MIPOL1: variants seen among roughly 807,000 people sequenced by gnomAD.
MIPOL1 encodes mirror-image polydactyly gene 1 protein.
Under a neutral mutation model 60.9 loss-of-function variants are expected in MIPOL1, and 57 were observed. The ratio of observed to expected loss-of-function variants is 0.94; its 90% CI spans 0.76 to 1.17. The LOEUF (loss-of-function observed/expected upper bound fraction) is 1.17. Among genes scored for constraint, MIPOL1 ranks in the 50% most tolerant of loss-of-function variants. The pLI, the probability that MIPOL1 is intolerant of heterozygous loss-of-function variation, is 0.00. For missense variants in MIPOL1, 551 were observed against 511.6 expected (o/e 1.08, Z -0.74); for synonymous variants, 179 against 168.8 (o/e 1.06, Z -0.47).
At chr14:37,381,200 A>G (rs964453865) in intron 10 of MIPOL1, among the ~76,000 whole-genome samples, 14 of 152,144 alleles carry the variant, frequency 9.2e-5, no homozygotes, top group Admixed American at 7.2e-4. Flanking sequence ...ATCTCTGCCC[A>G]CATCAATAGT....
chr14:37,269,055 T>A (rs947621318), intron 5 of MIPOL1, among the ~76,000 whole-genome samples: 6 of 151,238 alleles, frequency 4.0e-5, no homozygotes, highest in African/African-American at 1.5e-4. Flanking sequence ...TACATATCTT[T>A]AAAAAAAAAG....
At chr14:37,325,560 T>A (rs1436134430) in intron 9 of MIPOL1, among the ~76,000 whole-genome samples, 1 of 151,770 alleles carries the variant, frequency 6.6e-6, no homozygotes, top group Non-Finnish European at 1.5e-5. Context: ...TACCTCCTCT[T>A]CCTTTCTTTC....
chr14:37,346,750 G>A (rs776363056), intron 9 of MIPOL1, among the ~76,000 whole-genome samples: 2 of 152,094 alleles, frequency 1.3e-5, no homozygotes, highest in South Asian at 2.1e-4. Flanking sequence ...ATGGCCATGC[G>A]AGGTGAGAAC....
chr14:37,430,240 T>C (rs1029689988), intron 11 of MIPOL1, among the ~76,000 whole-genome samples: 27 of 152,176 alleles, frequency 1.8e-4, no homozygotes, highest in Non-Finnish European at 3.5e-4. Context: ...GTTTCAACTT[T>C]GCTTGATTTC....
intron 9 of MIPOL1, among the ~76,000 whole-genome samples, chr14:37,332,173 A>G (rs1198914850): frequency 2.0e-5 from 3 of 150,596 alleles, no homozygotes; most frequent in Non-Finnish European, 4.4e-5. Context: ...TTCCTATTCT[A>G]TATGATTCTA....
At chr14:37,321,792 TAGAATAGACTTTTATCATTATGAA>T (rs1273932248) in intron 9 of MIPOL1, among the ~76,000 whole-genome samples, 1 of 152,020 alleles carries the variant, frequency 6.6e-6, no homozygotes, top group African/African-American at 2.4e-5. Flanking sequence ...TATCTTCCTA[TAGAATAGACTTTTATCATTATGAA>T]ATGCCCACTT....
At chr14:37,220,806 C>T (rs1190064973) in intron 1 of MIPOL1, among the ~76,000 whole-genome samples, 1 of 152,090 alleles carries the variant, frequency 6.6e-6, no homozygotes, top group Non-Finnish European at 1.5e-5. Flanking sequence ...TAGAGAGTCT[C>T]CCTCTGTCCC....
Position 37,512,696 on chromosome 14 carries a change from G to C in MIPOL1, c.1262+12558G>C, listed in dbSNP as rs544381181. ...GTGATATTTTTCCTATAAATTTTTT[G>C]TTGGACTGTAAGTGTCAAGGCAAAA... On this transcript the variant is annotated intron_variant, in intron 12 of 12. Coordinates refer to ENST00000684589, the MANE Select transcript of MIPOL1 (RefSeq NM_001388067.1). Among the ~76,000 whole-genome samples, 5 of 151,550 alleles carry C rather than the reference G, an allele frequency of 3.3e-5. No individual in the cohort carries two copies. The East Asian group carries it at 9.7e-4, about 29-fold the overall frequency.
intron 9 of MIPOL1, 51 bp from the exon 10 acceptor site, chr14:37,369,465 GA>G (rs903757943): frequency 1.9e-4 from 262 of 1,350,920 alleles, no homozygotes; most frequent in African/African-American, 6.6e-4. Context: ...GTGGCTTGGT[GA>G]AAAAAAATGC....
intron 7 of MIPOL1, among the ~76,000 whole-genome samples, chr14:37,299,045 A>C (rs1448729813): frequency 6.6e-6 from 1 of 152,042 alleles, no homozygotes; most frequent in Non-Finnish European, 1.5e-5. Context: ...CTTGGAACCA[A>C]CCCAAATGTC....
At chr14:37,442,755 A>G (rs564292070) in intron 11 of MIPOL1, among the ~76,000 whole-genome samples, 1 of 152,140 alleles carries the variant, frequency 6.6e-6, no homozygotes, top group South Asian at 2.1e-4. Flanking sequence ...AGAATAAAAT[A>G]CTTTGGGATA....
chr14:37,242,437 G>A (rs1164053069), intron 1 of MIPOL1, among the ~76,000 whole-genome samples: 1 of 151,964 alleles, frequency 6.6e-6, no homozygotes, highest in Non-Finnish European at 1.5e-5. Context: ...ATTTGTATAG[G>A]AAATCTATTT....
chr14:37,468,089 A>G (rs895236176), intron 11 of MIPOL1, among the ~76,000 whole-genome samples: 7 of 150,746 alleles, frequency 4.6e-5, no homozygotes, highest in African/African-American at 1.7e-4. Context: ...AGAGATTTTG[A>G]TCGGCTTTGT....
chr14:37,377,184 C>A (rs1343409353), intron 10 of MIPOL1, among the ~76,000 whole-genome samples: 2 of 152,132 alleles, frequency 1.3e-5, no homozygotes, highest in Non-Finnish European at 2.9e-5. Flanking sequence ...GTCATACTCT[C>A]CTTTGCATGA....
intron 11 of MIPOL1, among the ~76,000 whole-genome samples, chr14:37,473,682 C>A (rs1297480974): frequency 6.6e-6 from 1 of 152,098 alleles, no homozygotes; most frequent in African/African-American, 2.4e-5. Context: ...TTATTAATGT[C>A]TTGTATTGAT....
intron 7 of MIPOL1, among the ~76,000 whole-genome samples, chr14:37,304,265 A>G (rs2086592502): frequency 6.6e-6 from 1 of 151,642 alleles, no homozygotes; most frequent in African/African-American, 2.4e-5. Context: ...TCTCTGTTAC[A>G]GTGTCTGCTT....
chr14:37,346,029 C>T (rs1212019730), intron 9 of MIPOL1, among the ~76,000 whole-genome samples: 1 of 152,098 alleles, frequency 6.6e-6, no homozygotes, highest in Non-Finnish European at 1.5e-5. Context: ...TAGGGGAGAT[C>T]ATTAAAATAC....
intron 10 of MIPOL1, among the ~76,000 whole-genome samples, chr14:37,407,999 A>G (rs2093621335): frequency 6.6e-6 from 1 of 150,434 alleles, no homozygotes; most frequent in Admixed American, 6.6e-5. Flanking sequence ...ACAGGTGTGC[A>G]CCACCACGCC....
intron 11 of MIPOL1, among the ~76,000 whole-genome samples, chr14:37,467,790 C>A (rs751259037): frequency 1.3e-5 from 2 of 152,158 alleles, no homozygotes; most frequent in East Asian, 3.9e-4. Flanking sequence ...TGCGGTGGCT[C>A]ATGCCTATAA....
Sources: gnomAD v4.1 joint callset for allele counts (sites outside exome capture counted in the v4.1 genomes callset) on GRCh38, gnomAD v4.1.1 for gene constraint, MANE v1.5 for transcripts, NCBI Gene and HGNC (gene_info 2026-07-23, HGNC 2026-07-21) for gene names.